Variants in CNTN5 observed in about 807,000 individuals in gnomAD.
The protein encoded by CNTN5 is contactin-5.
In CNTN5, 77 loss-of-function variants were observed where a neutral mutation model predicts 129.1. That is an observed-to-expected ratio of 0.60 (90% CI 0.50 to 0.72). The LOEUF is 0.72. CNTN5 is among the 30% of genes least tolerant of loss of function. The pLI, the probability that CNTN5 is intolerant of heterozygous loss-of-function variation, is 0.00. For missense variants in CNTN5, 1,478 were observed against 1,328.8 expected (o/e 1.11, Z -1.75); for synonymous variants, 509 against 465.6 (o/e 1.09, Z -1.20).
intron 17 of CNTN5, among the ~76,000 whole-genome samples, chr11:100,264,892 C>G (rs927391348): frequency 3.3e-5 from 5 of 152,090 alleles, no homozygotes; most frequent in African/African-American, 1.2e-4. Context: ...TCACCAACAT[C>G]TGTTTTTTCT....
intron 15 of CNTN5, among the ~76,000 whole-genome samples, chr11:100,194,451 A>G (rs545100205): frequency 2.6e-5 from 4 of 152,084 alleles, no homozygotes; most frequent in Admixed American, 2.6e-4. Flanking sequence ...TTTGCCTACA[A>G]ATTGGATTTA....
chr11:99,883,130 C>T lies in CNTN5; in HGVS notation c.578-32924C>T, dbSNP rs1438119342. ...TTCTTCATTCATCTATTGATGGACA[C>T]TTAGGTTGCTTTCAAATCTTGGCTA... On this transcript the variant is annotated intron_variant, in intron 6 of 24. Transcript: ENST00000524871. Among the ~76,000 whole-genome samples, 5 of 152,262 alleles carry T rather than the reference C, an allele frequency of 3.3e-5. No individual in the cohort carries two copies. In the East Asian group the frequency reaches 9.7e-4, roughly 29 times the overall value.
intron 3 of CNTN5, among the ~76,000 whole-genome samples, chr11:99,625,628 C>T (rs1790261): frequency 0.61 from 92,861 of 151,834 alleles, 29,280 homozygotes; most frequent in Admixed American, 0.74. Context: ...TTTCATTTCT[C>T]CAGAAATTTA....
chr11:99,997,302 CT>C (rs1939519041), intron 8 of CNTN5, among the ~76,000 whole-genome samples: 1 of 152,114 alleles, frequency 6.6e-6, no homozygotes, highest in South Asian at 2.1e-4. Flanking sequence ...TTTGCTCTTG[CT>C]TTTCTAGTTA....
At chr11:99,907,041 G>T (rs941403821) in intron 6 of CNTN5, among the ~76,000 whole-genome samples, 3 of 151,636 alleles carry the variant, frequency 2.0e-5, no homozygotes, top group African/African-American at 7.3e-5. Flanking sequence ...CTGGCTAGTG[G>T]TCTATTTTGT....
chr11:99,418,440 G>T (rs1398330218), intron 2 of CNTN5, among the ~76,000 whole-genome samples: 1 of 152,158 alleles, frequency 6.6e-6, no homozygotes, highest in Admixed American at 6.6e-5. Flanking sequence ...AAAGAAGAGG[G>T]TGTTAAAAGC....
In CNTN5 at chr11:99,266,539, C is replaced by A. The variant is rs139626288; in HGVS notation, c.-209-58807C>A. Among the ~76,000 whole-genome samples the A allele has an allele frequency of 2.5e-3, 378 of 152,104 alleles. 1 individual carries two copies. The highest frequency in any genetic ancestry group is 8.5e-3 in the African/African-American group (353 of 41,502). On this transcript the variant is annotated intron_variant, in intron 1 of 24. Coordinates refer to ENST00000524871, the MANE Select transcript of CNTN5 (RefSeq NM_014361.4). The stretch of plus-strand genomic sequence containing the variant: ...ATTGCTTGATCCTAGGAGTTTGAGG[C>A]TGTAGTGAGTAATCATTGCACCACG...
intron 1 of CNTN5, among the ~76,000 whole-genome samples, chr11:99,154,156 G>A (rs772291051): frequency 2.0e-5 from 3 of 152,192 alleles, no homozygotes; most frequent in Non-Finnish European, 2.9e-5. Context: ...CTGTAGTGGG[G>A]TACAAGCACA....
chr11:99,742,924 C>T (rs1943931567), intron 3 of CNTN5, among the ~76,000 whole-genome samples: 1 of 152,174 alleles, frequency 6.6e-6, no homozygotes. Flanking sequence ...AAGCTTCTGC[C>T]TTCAGAAAGC....
intron 21 of CNTN5, among the ~76,000 whole-genome samples, chr11:100,336,252 T>G (rs1454250987): frequency 6.6e-6 from 1 of 152,188 alleles, no homozygotes; most frequent in African/African-American, 2.4e-5. Context: ...ACAGGGTATA[T>G]GAAGATTTCC....
chr11:99,033,877 C>G (rs1382616596), intron 1 of CNTN5, among the ~76,000 whole-genome samples: 6 of 150,832 alleles, frequency 4.0e-5, no homozygotes, highest in South Asian at 2.1e-4. Flanking sequence ...CCAGTTTTTG[C>G]CCATTCAGTA....
intron 3 of CNTN5, among the ~76,000 whole-genome samples, chr11:99,805,721 A>C (rs1454424145): frequency 6.6e-6 from 1 of 152,214 alleles, no homozygotes; most frequent in Admixed American, 6.5e-5. Context: ...GCAAGCAAAA[A>C]TACACAAATG....
intron 3 of CNTN5, among the ~76,000 whole-genome samples, chr11:99,681,177 A>T (rs1358818730): frequency 6.6e-6 from 1 of 152,092 alleles, no homozygotes; most frequent in Admixed American, 6.6e-5. Context: ...CCTGGTGAAG[A>T]TGCTGTGAAC....
intron 2 of CNTN5, among the ~76,000 whole-genome samples, chr11:99,416,848 A>G (rs1014175520): frequency 6.6e-6 from 1 of 152,188 alleles, no homozygotes; most frequent in Admixed American, 6.5e-5. Flanking sequence ...GTTTGTAAAT[A>G]GCTGTGTCTT....
intron 2 of CNTN5, among the ~76,000 whole-genome samples, chr11:99,424,703 C>T (rs1943043696): frequency 6.6e-6 from 1 of 152,270 alleles, no homozygotes; most frequent in Non-Finnish European, 1.5e-5. Flanking sequence ...TCAGGGAGCT[C>T]CTATGTCTGG....
intron 9 of CNTN5, among the ~76,000 whole-genome samples, chr11:100,042,814 C>A (rs1942455554): frequency 6.6e-6 from 1 of 152,086 alleles, no homozygotes; most frequent in Non-Finnish European, 1.5e-5. Flanking sequence ...ATTTTTGAGC[C>A]AAATGAATAG....
chr11:100,309,386 A>G, intron 21 of CNTN5: 12 of 969,308 alleles, frequency 1.2e-5, no homozygotes, highest in Non-Finnish European at 1.5e-5. Context: ...TGATTAACAT[A>G]CAGCTGGCAT....
chr11:100,024,823 G>A (rs1306746501), intron 9 of CNTN5, among the ~76,000 whole-genome samples: 1 of 152,150 alleles, frequency 6.6e-6, no homozygotes, highest in Non-Finnish European at 1.5e-5. Context: ...TGACTTGGGT[G>A]CTCTGAAAAA....
At chr11:99,833,338 T>C (rs1947205010) in intron 4 of CNTN5, among the ~76,000 whole-genome samples, 1 of 152,090 alleles carries the variant, frequency 6.6e-6, no homozygotes, top group Non-Finnish European at 1.5e-5. Flanking sequence ...TTTAAGGTAG[T>C]TTGATTTAGA....
Sources: allele counts gnomAD v4.1 joint callset (sites outside exome capture counted in the v4.1 genomes callset), GRCh38; gene constraint gnomAD v4.1.1; transcripts MANE v1.5; gene names NCBI Gene and HGNC (gene_info 2026-07-23, HGNC 2026-07-21).